Variants in POLR1A observed in about 807,000 individuals in gnomAD.
POLR1A encodes DNA-directed RNA polymerase I subunit RPA1.
A neutral mutation model predicts 205.3 loss-of-function variants in POLR1A; 84 were observed. The observed-to-expected ratio is 0.41, with a 90% CI of 0.34 to 0.49. The LOEUF (loss-of-function observed/expected upper bound fraction) is 0.49, where lower values mean the gene tolerates loss of function less well. Among genes scored for constraint, POLR1A ranks in the 20% least tolerant of loss-of-function variants. The pLI is 0.22. For synonymous variants in POLR1A, 799 were observed against 863.7 expected (o/e 0.93, Z 1.31); for missense variants, 1,645 against 2,204.5 (o/e 0.75, Z 5.08).
intron 9 of POLR1A, among the ~76,000 whole-genome samples, chr2:86,079,776 G>A (rs971577754): frequency 2.0e-5 from 3 of 151,904 alleles, no homozygotes; most frequent in Admixed American, 2.0e-4. Flanking sequence ...TTGCCCACCT[G>A]GTCTAAAACT....
intron 27 of POLR1A, among the ~76,000 whole-genome samples, chr2:86,036,670 C>T (rs1672501492): frequency 6.6e-6 from 1 of 152,206 alleles, no homozygotes; most frequent in Non-Finnish European, 1.5e-5. Flanking sequence ...AAAGGGAGTC[C>T]AGACCGCACC....
intron 3 of POLR1A, among the ~76,000 whole-genome samples, chr2:86,093,954 T>C (rs1177607444): frequency 6.6e-6 from 1 of 152,232 alleles, no homozygotes; most frequent in African/African-American, 2.4e-5. Flanking sequence ...TTTTGAAGAT[T>C]AAAGGCAAGT....
At chr2:86,054,652 A>G (rs1672864130) in intron 14 of POLR1A, among the ~76,000 whole-genome samples, 1 of 152,272 alleles carries the variant, frequency 6.6e-6, no homozygotes, top group Non-Finnish European at 1.5e-5. Flanking sequence ...ACATACTCAG[A>G]TATTTCTTTA....
intron 3 of POLR1A, 86 bp downstream of exon 3, chr2:86,098,525 T>C: frequency 7.4e-7 from 1 of 1,352,330 alleles, no homozygotes; most frequent in Non-Finnish European, 1.0e-6. Flanking sequence ...ACTATCGGCA[T>C]GGTAACTAGG....
Position 86,028,529 on chromosome 2 carries a change from G to T in POLR1A, c.4897+65C>A. On this transcript the variant is annotated intron_variant, in intron 32 of 33. Transcript: ENST00000263857. The surrounding 1 kb of genome is among the most constrained non-coding windows in gnomAD (Gnocchi z 4.5). ...GGACCGACACGGTCCTGACCCTCCT[G>T]CCGAGCCTTCTGGTGTCCTGGCTGG... The T allele has an allele frequency of 1.7e-6, 2 of 1,163,202 alleles. No homozygotes were observed. The highest frequency in any genetic ancestry group is 2.6e-6 in the Non-Finnish European group (2 of 769,782). 72.1% of individuals were successfully genotyped at this position (1,163,202 alleles called of 1,614,324 possible). A position where few individuals can be genotyped will look rare whatever the true frequency, so the allele number is the denominator to read the frequency against.
chr2:86,074,682 T>C (rs1673246694), intron 12 of POLR1A, among the ~76,000 whole-genome samples: 2 of 152,076 alleles, frequency 1.3e-5, no homozygotes, highest in Non-Finnish European at 2.9e-5. Flanking sequence ...CTCTCAAACA[T>C]CAGCATGCAG....
rs759654510 is a variant in POLR1A at position 86,028,699 on chromosome 2, G to A, written c.4792C>T (p.Arg1598Cys). ...TGGATGTCGTTGGAGTAGAGGCGGC[G>A]CAGATCCAGGACCTGGAGAGAGGAA... Reference protein sequence around the residue: ...LFKYAEVLDLRRLYSNDIHAI... With the variant: ...LFKYAEVLDLCRLYSNDIHAI... Residue 1598 changes from arginine (R) to cysteine (C), a missense_variant, in exon 32 of 34, where the codon CGC (arginine) becomes TGC (cysteine). Physicochemically the swap from Arg to Cys is radical, Grantham distance 180 (BLOSUM62 -3). Around this residue, in one of 16 missense-constraint regions of POLR1A, gnomAD observed 394 missense variants for 468.5 expected, o/e 0.84. Coordinates refer to ENST00000263857, the MANE Select transcript of POLR1A (RefSeq NM_015425.6). This position sits in a 1 kb window ranked among gnomAD's most constrained non-coding sequence, Gnocchi z 4.5. 11 of 1,613,594 alleles carry A rather than the reference G, an allele frequency of 6.8e-6. No homozygotes were observed. The South Asian group carries it at 7.7e-5, about 11-fold the overall frequency.
chr2:86,046,374 T>C (rs911461000), intron 19 of POLR1A, among the ~76,000 whole-genome samples: 1 of 152,082 alleles, frequency 6.6e-6, no homozygotes, highest in East Asian at 1.9e-4. Context: ...ACTCTTGGCG[T>C]GTTGGAGGAG....
In POLR1A at chr2:86,027,491, A is replaced by G; in HGVS notation, c.5095T>C (p.Cys1699Arg). 1 of 1,614,216 alleles carries G rather than the reference A, an allele frequency of 6.2e-7. No homozygotes were observed. Among genetic ancestry groups the G allele is most frequent in the Non-Finnish European group, 8.5e-7 (1 of 1,180,032 alleles). Residue 1699 changes from cysteine (C) to arginine (R), a missense_variant, in exon 34 of 34, where the codon TGC (cysteine) becomes CGC (arginine). Transcript: ENST00000263857. Reference sequence around the variant, plus strand: ...CTGACGACCTTCCCGACCACAAGGCAGGCAGAAGGAGACCTCAGCTCATCG... The same window carrying G: ...CTGACGACCTTCCCGACCACAAGGCGGGCAGAAGGAGACCTCAGCTCATCG... ...SHDELRSPSACLVVGKVVRGG... is the reference protein window; with the variant it reads ...SHDELRSPSARLVVGKVVRGG...
intron 31 of POLR1A, 47 bp downstream of exon 31, chr2:86,030,149 G>A (rs1022794161): frequency 6.7e-7 from 1 of 1,491,952 alleles, no homozygotes; most frequent in Non-Finnish European, 9.4e-7. Flanking sequence ...GACAACGTGG[G>A]GTGAGGACTA....
chr2:86,083,026 C>A, intron 7 of POLR1A, 56 bp downstream of exon 7: 1 of 1,291,560 alleles, frequency 7.7e-7, no homozygotes, highest in South Asian at 1.2e-5. Flanking sequence ...GTTAATGAGT[C>A]CAGGAAATAA....
At chr2:86,031,661 T>A (rs2278536) in intron 29 of POLR1A, 26 bp from the exon 30 acceptor site, 2 of 1,588,174 alleles carry the variant, frequency 1.3e-6, no homozygotes, top group Non-Finnish European at 1.7e-6. Flanking sequence ...GCACAGGCTG[T>A]GTCACTTGGG....
At chr2:86,031,300 C>T (rs1672382058) in intron 30 of POLR1A, 30 bp downstream of exon 30, 2 of 1,519,850 alleles carry the variant, frequency 1.3e-6, no homozygotes, top group Admixed American at 2.2e-5. Context: ...GACCAACCAC[C>T]CAAGCCCTGG....
At chr2:86,047,307 T>C (rs1198043163) in intron 18 of POLR1A, 44 bp from the exon 19 acceptor site, 3 of 1,320,382 alleles carry the variant, frequency 2.3e-6, no homozygotes, top group Non-Finnish European at 3.3e-6. Context: ...TCACCTTCTT[T>C]AAAAATCCCA....
At chr2:86,055,836 TA>T (rs1306424430) in intron 14 of POLR1A, among the ~76,000 whole-genome samples, 5 of 152,230 alleles carry the variant, frequency 3.3e-5, no homozygotes, top group Admixed American at 6.5e-5. Flanking sequence ...TGCTCAATGA[TA>T]GAAGACTGGA....
chr2:86,097,237 A>AAAAAAAAAAAAAG (rs1673721689), intron 3 of POLR1A, among the ~76,000 whole-genome samples: 1 of 148,342 alleles, frequency 6.7e-6, no homozygotes, highest in East Asian at 1.9e-4. Context: ...AAAAAAAAAA[A>AAAAAAAAAAAAAG]AAAAAGCAAA....
intron 23 of POLR1A, 126 bp downstream of exon 23, chr2:86,042,848 T>C (rs1166105139): frequency 1.4e-6 from 1 of 729,552 alleles, no homozygotes; most frequent in Non-Finnish European, 2.4e-6. Context: ...CATTCTGTTC[T>C]GACTGACGGT....
chr2:86,055,269 T>TGG (rs376327139), intron 14 of POLR1A, among the ~76,000 whole-genome samples: 8 of 150,034 alleles, frequency 5.3e-5, no homozygotes, highest in African/African-American at 1.9e-4. Flanking sequence ...CACTCCAGCC[T>TGG]GGGTGAGAGA....
intron 12 of POLR1A, among the ~76,000 whole-genome samples, chr2:86,073,214 A>T (rs1559519): frequency 8.5e-3 from 7 of 826 alleles, no homozygotes; most frequent in African/African-American, 0.029. Flanking sequence ...AAAATAAAAT[A>T]AAAAAAAAAA....
Sources: gnomAD v4.1 joint callset for allele counts (sites outside exome capture counted in the v4.1 genomes callset) on GRCh38, gnomAD v4.1.1 for gene constraint, gnomAD v4.1.1 regional missense constraint, Gnocchi (gnomAD v3.1) non-coding constraint, MANE v1.5 for transcripts, NCBI Gene and HGNC (gene_info 2026-07-23, HGNC 2026-07-21) for gene names.